SCFD2: variants seen among roughly 807,000 people sequenced by gnomAD.
SCFD2 encodes sec1 family domain-containing protein 2.
SCFD2 carries 54 observed loss-of-function variants against 58.9 expected under a neutral mutation model. The ratio of observed to expected loss-of-function variants is 0.92; its 90% CI spans 0.74 to 1.15. The LOEUF (loss-of-function observed/expected upper bound fraction) is 1.15. Ranked by LOEUF, SCFD2 falls within the 50% of genes most tolerant of loss-of-function variation. The pLI, the probability that SCFD2 is intolerant of heterozygous loss-of-function variation, is 0.00. For missense variants in SCFD2, 805 were observed against 836.6 expected (o/e 0.96, Z 0.47); for synonymous variants, 321 against 335.9 (o/e 0.96, Z 0.49).
At chr4:53,098,164 G>T (rs6811236) in intron 5 of SCFD2, among the ~76,000 whole-genome samples, 51,979 of 151,992 alleles carry the variant, frequency 0.34, 10,259 homozygotes, top group Non-Finnish European at 0.42. Context: ...CAGGGATATT[G>T]GTCTAAAATT....
At chr4:52,994,859 A>T (rs1560504777) in intron 5 of SCFD2, among the ~76,000 whole-genome samples, 1 of 152,200 alleles carries the variant, frequency 6.6e-6, no homozygotes, top group Non-Finnish European at 1.5e-5. Flanking sequence ...CATCATCGTC[A>T]TAAAAAAAAA....
At chr4:53,209,704 T>G (rs1013571350) in intron 4 of SCFD2, among the ~76,000 whole-genome samples, 11 of 151,854 alleles carry the variant, frequency 7.2e-5, no homozygotes, top group Non-Finnish European at 1.5e-4. Flanking sequence ...TATAAAGAAG[T>G]GACATACCAG....
intron 3 of SCFD2, among the ~76,000 whole-genome samples, chr4:53,308,519 A>C (rs1732586124): frequency 6.6e-6 from 1 of 151,964 alleles, no homozygotes; most frequent in African/African-American, 2.4e-5. Context: ...TCTCTTATAC[A>C]CACATAACAA....
chr4:52,889,905 T>C (rs1718842704), intron 7 of SCFD2, among the ~76,000 whole-genome samples: 1 of 152,242 alleles, frequency 6.6e-6, no homozygotes, highest in Non-Finnish European at 1.5e-5. Context: ...CCTATGGACA[T>C]GGTGTGGACC....
intron 5 of SCFD2, among the ~76,000 whole-genome samples, chr4:53,017,911 T>C (rs1484111577): frequency 6.6e-6 from 1 of 152,208 alleles, no homozygotes; most frequent in African/African-American, 2.4e-5. Flanking sequence ...ACAGCCCAGT[T>C]CTCTGTAGGT....
At chr4:52,968,392 G>C (rs141402242) in intron 5 of SCFD2, among the ~76,000 whole-genome samples, 2 of 152,356 alleles carry the variant, frequency 1.3e-5, no homozygotes, top group Non-Finnish European at 2.9e-5. Flanking sequence ...GAGCAAGTCA[G>C]AACATGCAGG....
chr4:53,269,818 A>G (rs935819328), intron 4 of SCFD2, among the ~76,000 whole-genome samples: 3 of 152,246 alleles, frequency 2.0e-5, no homozygotes, highest in African/African-American at 7.2e-5. Flanking sequence ...AGAGATCAGA[A>G]GTTCGAGACC....
At chr4:53,270,255 G>C (rs998489483) in intron 4 of SCFD2, among the ~76,000 whole-genome samples, 2 of 151,878 alleles carry the variant, frequency 1.3e-5, no homozygotes, top group African/African-American at 4.8e-5. Context: ...CAGATTAAGG[G>C]AGAAAAACTC....
chr4:53,221,612 T>C (rs1729049392), intron 4 of SCFD2, among the ~76,000 whole-genome samples: 1 of 152,234 alleles, frequency 6.6e-6, no homozygotes, highest in Non-Finnish European at 1.5e-5. Context: ...GTCCAGATTT[T>C]GGATACAATT....
chr4:53,287,657 C>T (rs569869550), intron 3 of SCFD2, among the ~76,000 whole-genome samples: 45 of 152,240 alleles, frequency 3.0e-4, no homozygotes, highest in African/African-American at 1.1e-3. Context: ...ACAGACATCA[C>T]CACAGTGACA....
intron 5 of SCFD2, among the ~76,000 whole-genome samples, chr4:53,119,518 A>C (rs1577744385): frequency 6.6e-6 from 1 of 152,140 alleles, no homozygotes; most frequent in East Asian, 1.9e-4. Context: ...GTTTCTGCCC[A>C]AAGTAAGTAA....
At chr4:52,994,528 A>T (rs1163686676) in intron 5 of SCFD2, among the ~76,000 whole-genome samples, 1 of 152,156 alleles carries the variant, frequency 6.6e-6, no homozygotes. Flanking sequence ...GGCCCATTTG[A>T]CACAGGGACC....
chr4:53,182,283 T>C (rs1727588810), intron 4 of SCFD2, among the ~76,000 whole-genome samples: 1 of 152,198 alleles, frequency 6.6e-6, no homozygotes, highest in African/African-American at 2.4e-5. Flanking sequence ...CAAAACAGCG[T>C]GGTACTGGTA....
Position 53,140,777 on chromosome 4 carries a change from C to T in SCFD2, c.1561+4556G>A, listed in dbSNP as rs148884586. ...AGAATATAATACATGAAATGGTTAC[C>T]ACAGGTGAGGTTGTGGCAGGTTTAG... On this transcript the variant is annotated intron_variant, in intron 5 of 8. Coordinates refer to ENST00000401642, the MANE Select transcript of SCFD2 (RefSeq NM_152540.4). Among the ~76,000 whole-genome samples, 630 of 152,146 alleles carry T rather than the reference C, an allele frequency of 4.1e-3. 6 individuals are homozygous for T. Among genetic ancestry groups the T allele is most frequent in the Middle Eastern group, 0.01 (3 of 294 alleles).
At chr4:52,883,569 C>T (rs1440475259) in intron 8 of SCFD2, among the ~76,000 whole-genome samples, 1 of 152,154 alleles carries the variant, frequency 6.6e-6, no homozygotes, top group Non-Finnish European at 1.5e-5. Context: ...TGTTGTCAAA[C>T]TCAGGTCACA....
At chr4:53,040,419 T>C (rs1722869253) in intron 5 of SCFD2, among the ~76,000 whole-genome samples, 1 of 152,056 alleles carries the variant, frequency 6.6e-6, no homozygotes, top group Non-Finnish European at 1.5e-5. Context: ...TGATTTTTTT[T>C]CTCCAACCAT....
intron 5 of SCFD2, among the ~76,000 whole-genome samples, chr4:53,033,816 C>G (rs1307831907): frequency 6.6e-6 from 1 of 151,588 alleles, no homozygotes; most frequent in Non-Finnish European, 1.5e-5. Context: ...GAAATTGAGG[C>G]AATAACAGCC....
intron 5 of SCFD2, among the ~76,000 whole-genome samples, chr4:53,073,250 T>C (rs1723875366): frequency 6.6e-6 from 1 of 152,090 alleles, no homozygotes; most frequent in South Asian, 2.1e-4. Context: ...GGTTATATGC[T>C]AACACTATGC....
chr4:52,986,645 C>T (rs1359250541), intron 5 of SCFD2, among the ~76,000 whole-genome samples: 3 of 151,400 alleles, frequency 2.0e-5, no homozygotes, highest in Admixed American at 2.0e-4. Flanking sequence ...ACTACAGGCG[C>T]CCACCACCAC....
Sources: gnomAD v4.1 joint callset for allele counts (sites outside exome capture counted in the v4.1 genomes callset) on GRCh38, gnomAD v4.1.1 for gene constraint, MANE v1.5 for transcripts, NCBI Gene and HGNC (gene_info 2026-07-23, HGNC 2026-07-21) for gene names.